IL1RL1: variants seen among roughly 807,000 people sequenced by gnomAD.
IL1RL1 encodes the protein interleukin 1 receptor like 1, also known as interleukin-1 receptor-like 1.
A neutral mutation model predicts 50.9 loss-of-function variants in IL1RL1; 32 were observed. That is an observed-to-expected ratio of 0.63 (90% CI 0.47 to 0.84). IL1RL1 has a LOEUF of 0.84. Among genes scored for constraint, IL1RL1 ranks in the 40% least tolerant of loss-of-function variants. IL1RL1 has a pLI of 0.00. For missense variants in IL1RL1, 773 were observed against 662.9 expected, an observed-to-expected ratio of 1.17 and a Z score of -1.82; for synonymous variants, 275 against 236.0, an observed-to-expected ratio of 1.17 and a Z score of -1.51.
chr2:102,334,249 T>C (rs375606860), intron 1 of IL1RL1, among the ~76,000 whole-genome samples: 1 of 152,162 alleles, frequency 6.6e-6, no homozygotes, highest in South Asian at 2.1e-4. Context: ...ACATCTGCTG[T>C]TTTTTGAGTT....
At chr2:102,332,468 A>G (rs888522002) in intron 1 of IL1RL1, among the ~76,000 whole-genome samples, 4 of 152,228 alleles carry the variant, frequency 2.6e-5, no homozygotes, top group African/African-American at 9.6e-5. Context: ...AATATTATTC[A>G]GTCATTAGAA....
At chr2:102,339,271 T>C (rs1407762465) in intron 3 of IL1RL1, 2 of 476,366 alleles carry the variant, frequency 4.2e-6, no homozygotes, top group Admixed American at 3.6e-5. Context: ...AGGGATTGAT[T>C]TGTAGCTGAC....
At chr2:102,325,257 T>C (rs1453713556) in intron 1 of IL1RL1, among the ~76,000 whole-genome samples, 2 of 152,150 alleles carry the variant, frequency 1.3e-5, no homozygotes, top group Non-Finnish European at 2.9e-5. Flanking sequence ...GGAGTGGAAC[T>C]CCAGCAAACT....
chr2:102,347,837 A>G, intron 8 of IL1RL1, 108 bp from the exon 9 acceptor site: 2 of 646,942 alleles, frequency 3.1e-6, no homozygotes. Flanking sequence ...CCCAGTGGGT[A>G]TATCTTATGT....
chr2:102,346,101 T>A, intron 8 of IL1RL1: 1 of 948,828 alleles, frequency 1.1e-6, no homozygotes. Flanking sequence ...ACTACTGCTA[T>A]TGAGTTGTCA....
intron 1 of IL1RL1, among the ~76,000 whole-genome samples, chr2:102,325,879 GTA>G (rs1216221844): frequency 1.3e-5 from 2 of 152,210 alleles, no homozygotes; most frequent in African/African-American, 4.8e-5. Context: ...CATCTGATTG[GTA>G]TACCTGAAAG....
chr2:102,347,877 C>A (rs750735577), intron 8 of IL1RL1, 68 bp from the exon 9 acceptor site: 16 of 913,354 alleles, frequency 1.8e-5, no homozygotes, highest in African/African-American at 3.3e-5. Context: ...GGGAAGCCAA[C>A]ATCCATGTAT....
chr2:102,340,883 A>C, intron 5 of IL1RL1, 55 bp downstream of exon 5: 1 of 1,399,108 alleles, frequency 7.1e-7, no homozygotes, highest in African/African-American at 1.5e-5. Context: ...TCGAAGTGGG[A>C]ACAGCGGTGC....
intron 8 of IL1RL1, chr2:102,344,818 G>A: frequency 1.1e-6 from 1 of 941,336 alleles, no homozygotes; most frequent in Non-Finnish European, 1.3e-6. Flanking sequence ...ATTTATGTTT[G>A]GTAAATTCAA....
rs189426667 is a variant in IL1RL1, at chr2:102,347,456, T to C, written c.971-489T>C. On this transcript the variant is annotated intron_variant, in intron 8 of 10. Transcript: ENST00000233954. ...GCCCTGACCAAACTTTCTAATCATA[T>C]CTTCCACCAATTCCCCAAACTGGGT... Among the ~76,000 whole-genome samples, 22 of 152,314 alleles carry C rather than the reference T, an allele frequency of 1.4e-4. No individual in the cohort carries two copies. The East Asian group carries it at 4.0e-3, about 28-fold the overall frequency.
At chr2:102,323,275 T>TATATATATA (rs1559596435) in intron 1 of IL1RL1, among the ~76,000 whole-genome samples, 134 of 28,648 alleles carry the variant, frequency 4.7e-3, no homozygotes, top group African/African-American at 0.015. Flanking sequence ...ATATATATAG[T>TATATATATA]GTGTGTGTGT....
chr2:102,319,321 G>A (rs1418841676), intron 1 of IL1RL1, among the ~76,000 whole-genome samples: 1 of 152,046 alleles, frequency 6.6e-6, no homozygotes, highest in Admixed American at 6.5e-5. Flanking sequence ...CTGCTAGCTA[G>A]GATTCAACTC....
intron 8 of IL1RL1, among the ~76,000 whole-genome samples, chr2:102,346,991 G>T (rs574414478): frequency 3.9e-5 from 6 of 152,300 alleles, no homozygotes; most frequent in African/African-American, 9.6e-5. Flanking sequence ...AAAAATTTCT[G>T]GGTTGGTTGA....
Position 102,351,990 on chromosome 2 carries a change from C to T in IL1RL1, c.*69C>T, listed in dbSNP as rs1402882304. The stretch of plus-strand genomic sequence containing the variant: ...TGACTTCTCCTAGCTGGCTTATGCC[C>T]CTGCACTGAAGTGTGAGGAGCAGGA... On this transcript the variant is annotated 3_prime_UTR_variant, in exon 11 of 11. Transcript: ENST00000233954. The T allele has an allele frequency of 2.8e-6, 4 of 1,430,814 alleles. No homozygotes were observed. Among genetic ancestry groups the T allele is most frequent in the Non-Finnish European group, 3.8e-6 (4 of 1,051,766 alleles). The allele number at this position is 1,430,814 out of a possible 1,614,324, so 88.6% of individuals were successfully genotyped here. A position where few individuals can be genotyped will look rare whatever the true frequency, so the allele number is the denominator to read the frequency against.
intron 5 of IL1RL1, 73 bp downstream of exon 5, chr2:102,340,901 G>A (rs1227457873): frequency 1.6e-6 from 2 of 1,262,568 alleles, no homozygotes; most frequent in Non-Finnish European, 2.2e-6. Context: ...TGCCCTTCTG[G>A]TTGGGTTTCT....
intron 1 of IL1RL1, chr2:102,337,355 A>G (rs1372873506): frequency 6.6e-6 from 1 of 152,296 alleles, no homozygotes; most frequent in African/African-American, 2.4e-5. Context: ...TCAATTACTT[A>G]TCTAAAATTT....
Position 102,351,686 on chromosome 2 carries a change from T to C in IL1RL1, c.1436T>C (p.Leu479Pro). Residue 479 changes from leucine to proline, a missense_variant, in exon 11 of 11, where the codon CTT becomes CCT. Leu to Pro is a moderately conservative substitution (Grantham distance 98). Transcript: ENST00000233954. ...ALIQNDAKVILIEMEALSELD... is the reference protein window; with the variant it reads ...ALIQNDAKVIPIEMEALSELD... ...ATCCAGAACGACGCCAAGGTGATAC[T>C]TATTGAGATGGAGGCTCTGAGCGAG... 1 of 1,614,078 alleles carries C rather than the reference T, an allele frequency of 6.2e-7. No individual in the cohort carries two copies. The highest frequency in any genetic ancestry group is 8.5e-7 in the Non-Finnish European group (1 of 1,180,008).
intron 1 of IL1RL1, among the ~76,000 whole-genome samples, chr2:102,325,794 T>A (rs1472017162): frequency 1.3e-5 from 2 of 152,002 alleles, no homozygotes; most frequent in African/African-American, 4.8e-5. Flanking sequence ...AGAAGAGAAG[T>A]TTAGAGAAAG....
At chr2:102,322,605 A>G (rs1280248597) in intron 1 of IL1RL1, among the ~76,000 whole-genome samples, 1 of 152,226 alleles carries the variant, frequency 6.6e-6, no homozygotes, top group East Asian at 1.9e-4. Flanking sequence ...TTCTTATTAC[A>G]TAATGAGAGA....
Sources: allele counts gnomAD v4.1 joint callset (sites outside exome capture counted in the v4.1 genomes callset), GRCh38; gene constraint gnomAD v4.1.1; transcripts MANE v1.5; gene names NCBI Gene and HGNC (gene_info 2026-07-23, HGNC 2026-07-21).